WDR59: variants seen among roughly 807,000 people sequenced by gnomAD.
The protein encoded by WDR59 is GATOR2 complex protein WDR59.
WDR59 carries 100 observed loss-of-function variants against 131.2 expected under a neutral mutation model. That is an observed-to-expected ratio of 0.76 (90% CI 0.65 to 0.90). WDR59 has a LOEUF of 0.90. Ranked by LOEUF, WDR59 falls within the 40% of genes least tolerant of loss-of-function variation. The pLI is 0.00. For synonymous variants in WDR59, 601 were observed against 466.2 expected (o/e 1.29, Z -3.72); for missense variants, 1,203 against 1,262.2 (o/e 0.95, Z 0.71).
rs753605287 is a variant in WDR59 at position 74,889,865 on chromosome 16, C to T, written c.2083-50G>A. 1.6e-5 allele frequency: 23 copies of T among 1,450,184 alleles called. No individual in the cohort carries two copies. The Admixed American group carries it at 2.6e-4, about 17-fold the overall frequency. The allele number at this position is 1,450,184 out of a possible 1,614,324, so 89.8% of individuals were successfully genotyped here. A position where few individuals can be genotyped will look rare whatever the true frequency, so the allele number is the denominator to read the frequency against. On this transcript the variant is annotated intron_variant, in intron 20 of 25. Transcript: ENST00000262144. ...AACTCAAACTGGCAAGGACAAGAAC[C>T]GAAACCATGAAGCAATCCCACCTGT...
intron 1 of WDR59, among the ~76,000 whole-genome samples, chr16:74,980,507 C>T (rs957978408): frequency 6.6e-6 from 1 of 151,600 alleles, no homozygotes; most frequent in South Asian, 2.1e-4. Flanking sequence ...GCACACGCCA[C>T]CATGCCTGGC....
intron 8 of WDR59, among the ~76,000 whole-genome samples, chr16:74,937,800 C>T (rs1424556192): frequency 6.6e-6 from 1 of 152,178 alleles, no homozygotes; most frequent in Non-Finnish European, 1.5e-5. Flanking sequence ...CCATGCCCGG[C>T]CAACTTCTTT....
At chr16:74,941,941 C>T (rs1159894173) in intron 7 of WDR59, among the ~76,000 whole-genome samples, 1 of 152,130 alleles carries the variant, frequency 6.6e-6, no homozygotes, top group Non-Finnish European at 1.5e-5. Context: ...GCCATCCCCA[C>T]AATGCCTGAG....
At chr16:74,951,830 G>C (rs1314387822) in intron 3 of WDR59, among the ~76,000 whole-genome samples, 1 of 152,094 alleles carries the variant, frequency 6.6e-6, no homozygotes, top group Non-Finnish European at 1.5e-5. Flanking sequence ...AAGCACTTCT[G>C]CAGACGAGCT....
intron 19 of WDR59, 62 bp from the exon 20 acceptor site, chr16:74,892,627 C>T (rs992832573): frequency 7.6e-7 from 1 of 1,317,000 alleles, no homozygotes; most frequent in African/African-American, 1.5e-5. Flanking sequence ...ATCAACGACT[C>T]CCAGTTTAAC....
chr16:74,923,252 A>T (rs1044222370), intron 9 of WDR59, among the ~76,000 whole-genome samples: 1 of 152,202 alleles, frequency 6.6e-6, no homozygotes, highest in African/African-American at 2.4e-5. Flanking sequence ...CCATACCAGT[A>T]TTAAATGATA....
chr16:74,888,246 G>A lies in WDR59; in HGVS notation c.2269C>T (p.Arg757Trp), dbSNP rs373676230. 24 of 1,614,000 alleles carry A rather than the reference G, an allele frequency of 1.5e-5. No homozygotes were observed. Among genetic ancestry groups the A allele is most frequent in the East Asian group, 1.1e-4 (5 of 44,898 alleles). ...AAGGGGTTTGGTAGCCCCTGAGGCC[G>A]AGACTGGGCTTCAAACACGCTACAG... ...MLCSVFEAQS[R>W]PQGLPNPFGP... Residue 757 changes from arginine (R) to tryptophan (W), a missense_variant, in exon 22 of 26, where the codon CGG becomes TGG. Arg to Trp is a moderately radical substitution (Grantham distance 101). Coordinates refer to ENST00000262144, the MANE Select transcript of WDR59 (RefSeq NM_030581.4).
At chr16:74,967,198 C>A (rs2033808640) in intron 1 of WDR59, among the ~76,000 whole-genome samples, 1 of 152,154 alleles carries the variant, frequency 6.6e-6, no homozygotes, top group Admixed American at 6.6e-5. Flanking sequence ...GGACAAGAAG[C>A]CAGAGTACTC....
intron 21 of WDR59, 100 bp from the exon 22 acceptor site, chr16:74,888,419 G>A (rs1964879990): frequency 1.6e-6 from 2 of 1,263,210 alleles, no homozygotes; most frequent in Non-Finnish European, 2.2e-6. Flanking sequence ...GGTGGGAAGG[G>A]AGGAGTCTTG....
intron 2 of WDR59, among the ~76,000 whole-genome samples, chr16:74,959,805 C>T (rs369331564): frequency 6.7e-6 from 1 of 149,356 alleles, no homozygotes; most frequent in African/African-American, 2.5e-5. Context: ...TCCCTTGCCT[C>T]CCCACCGCCC....
intron 1 of WDR59, 197 bp downstream of exon 1, chr16:74,984,767 T>A: frequency 1.4e-6 from 1 of 691,390 alleles, no homozygotes; most frequent in Admixed American, 2.9e-5. Flanking sequence ...CGAAACTCCG[T>A]CCATGCTCGC....
chr16:74,980,413 G>A (rs1231923700), intron 1 of WDR59, among the ~76,000 whole-genome samples: 1 of 141,586 alleles, frequency 7.1e-6, no homozygotes, highest in Non-Finnish European at 1.5e-5. Context: ...GTAGTGCAAC[G>A]GTGCGATTTG....
intron 25 of WDR59, among the ~76,000 whole-genome samples, chr16:74,876,213 G>A (rs982721327): frequency 6.6e-6 from 1 of 152,146 alleles, no homozygotes; most frequent in African/African-American, 2.4e-5. Context: ...TTTTATGATA[G>A]TTCCAATTAA....
At chr16:74,911,886 T>C in intron 14 of WDR59, 1 of 510,574 alleles carries the variant, frequency 2.0e-6, no homozygotes. Context: ...GCAGATTCTA[T>C]GCAATTCACA....
At chr16:74,896,865 A>G (rs1353174513) in intron 18 of WDR59, among the ~76,000 whole-genome samples, 1 of 152,130 alleles carries the variant, frequency 6.6e-6, no homozygotes, top group Non-Finnish European at 1.5e-5. Flanking sequence ...CACTTACGAC[A>G]GCTCTGTGAT....
chr16:74,950,566 G>A (rs1353191355), intron 4 of WDR59, among the ~76,000 whole-genome samples: 1 of 152,150 alleles, frequency 6.6e-6, no homozygotes, highest in Non-Finnish European at 1.5e-5. Flanking sequence ...GGCAGCAACT[G>A]CACAGAACAT....
intron 1 of WDR59, among the ~76,000 whole-genome samples, chr16:74,983,550 A>G (rs1209686842): frequency 6.6e-6 from 1 of 152,154 alleles, no homozygotes. Flanking sequence ...GAGGGGATGT[A>G]TATGACCGGT....
At chr16:74,956,637 A>G in intron 2 of WDR59, 27 bp from the exon 3 acceptor site, 7 of 1,608,056 alleles carry the variant, frequency 4.4e-6, no homozygotes, top group Non-Finnish European at 5.9e-6. Flanking sequence ...ACATTATAAT[A>G]GTATAAAAAC....
Position 74,909,891 on chromosome 16 carries a change from T to C in WDR59, c.1416A>G (p.Lys472=). 6.2e-7 allele frequency: 1 copy of C among 1,613,010 alleles called. No individual in the cohort carries two copies. The highest frequency in any genetic ancestry group is 8.5e-7 in the Non-Finnish European group (1 of 1,179,960). Residue 472 remains lysine, a synonymous_variant, in exon 15 of 26, where the codon AAA becomes AAG. Transcript: ENST00000262144. ...CCAGGCAGCTCTGGCCACGCTTCAC[T>C]TTCTGCAGGGCTGTGTCCTTCAGGA... ...LKILKDTALQ[K]VKRGQSCLEP...
Sources: gnomAD v4.1 joint callset for allele counts (sites outside exome capture counted in the v4.1 genomes callset) on GRCh38, gnomAD v4.1.1 for gene constraint, MANE v1.5 for transcripts, NCBI Gene and HGNC (gene_info 2026-07-23, HGNC 2026-07-21) for gene names.